The following MAP3K1 variants were observed in gnomAD, a reference collection of about 807,000 sequenced individuals.
MAP3K1 encodes MAP/ERK kinase kinase 1.
Under a neutral mutation model 144.2 loss-of-function variants are expected in MAP3K1, and 36 were observed. That is an observed-to-expected ratio of 0.25 (90% CI 0.19 to 0.33). MAP3K1 has a LOEUF of 0.33. Ranked by LOEUF, MAP3K1 falls within the 10% of genes least tolerant of loss-of-function variation. The pLI is 1.00. For missense variants in MAP3K1, 1,650 were observed against 1,881.9 expected (o/e 0.88, Z 2.28); for synonymous variants, 718 against 688.7 (o/e 1.04, Z -0.67).
chr5:56,854,296 G>A (rs1458881237), intron 1 of MAP3K1, among the ~76,000 whole-genome samples: 1 of 151,852 alleles, frequency 6.6e-6, no homozygotes, highest in Non-Finnish European at 1.5e-5. Flanking sequence ...AGCCAGGCGT[G>A]GTGGCACATG....
intron 2 of MAP3K1, among the ~76,000 whole-genome samples, chr5:56,857,336 T>A (rs1052527709): frequency 2.0e-5 from 3 of 152,112 alleles, no homozygotes; most frequent in African/African-American, 7.2e-5. Flanking sequence ...GAGTCCTAGA[T>A]TTTAAAAAGC....
intron 1 of MAP3K1, among the ~76,000 whole-genome samples, chr5:56,832,635 A>G (rs903069886): frequency 8.5e-5 from 13 of 152,114 alleles, no homozygotes; most frequent in African/African-American, 3.1e-4. Flanking sequence ...TGCGTTCTTA[A>G]CCTTTATGAT....
At chr5:56,874,494 T>G (rs1468536655) in intron 9 of MAP3K1, among the ~76,000 whole-genome samples, 1 of 152,244 alleles carries the variant, frequency 6.6e-6, no homozygotes, top group African/African-American at 2.4e-5. Context: ...CCTACCTGTT[T>G]TGTCTAGTTT....
At chr5:56,890,405 G>A (rs995623788) in intron 19 of MAP3K1, among the ~76,000 whole-genome samples, 1 of 152,030 alleles carries the variant, frequency 6.6e-6, no homozygotes, top group African/African-American at 2.4e-5. Context: ...TCCTTAATTT[G>A]GAGTAAATAC....
Position 56,886,075 on chromosome 5 carries a change from T to C in MAP3K1, c.4114+12T>C. The C allele has an allele frequency of 1.2e-6, 2 of 1,608,500 alleles. No homozygotes were observed. Among genetic ancestry groups the C allele is most frequent in the Non-Finnish European group, 1.7e-6 (2 of 1,175,124 alleles). On this transcript the variant is annotated intron_variant, in intron 17 of 19. Transcript: ENST00000399503. ...CAGAGATGTCAAAGGTGAGAATTCT[T>C]CTAATTATTATCTAGTGACAATAAA...
chr5:56,831,679 G>C (rs747452891), intron 1 of MAP3K1, among the ~76,000 whole-genome samples: 2 of 152,104 alleles, frequency 1.3e-5, no homozygotes, highest in Non-Finnish European at 2.9e-5. Flanking sequence ...ACTTATGATT[G>C]CTTATGTAGG....
chr5:56,860,592 T>C (rs832571), intron 3 of MAP3K1, among the ~76,000 whole-genome samples: 117,745 of 152,172 alleles, frequency 0.77, 45,907 homozygotes, highest in Non-Finnish European at 0.82. Flanking sequence ...GTGGCTCACA[T>C]CTATAATCCC....
chr5:56,856,586 T>A lies in MAP3K1; in HGVS notation c.483-14T>A. ...ATACATTTCTCATTTTATTTGTTTC[T>A]GCCTGCATTTTAGTCGTGAGATGGA... On this transcript the variant is annotated splice_polypyrimidine_tract_variant and intron_variant, in intron 1 of 19. Transcript: ENST00000399503. 1.9e-6 allele frequency: 3 copies of A among 1,605,738 alleles called. No homozygotes were observed. The highest frequency in any genetic ancestry group is 2.6e-6 in the Non-Finnish European group (3 of 1,172,232).
rs762842509 is a variant in MAP3K1 at position 56,880,660 on chromosome 5, T to C, written c.2088-51T>C. 28 of 1,201,044 alleles carry C rather than the reference T, an allele frequency of 2.3e-5. No individual in the cohort carries two copies. The South Asian group carries it at 3.4e-4, about 15-fold the overall frequency. The allele number at this position is 1,201,044 out of a possible 1,614,324, so 74.4% of individuals were successfully genotyped here. ...ATTACATTACTCCTCTAATATTGTATAGTGTTTTAGCCAAGATCCAGGATT... is the reference window on the plus strand; with the variant it reads ...ATTACATTACTCCTCTAATATTGTACAGTGTTTTAGCCAAGATCCAGGATT... On this transcript the variant is annotated intron_variant, in intron 11 of 19. Coordinates refer to ENST00000399503, the MANE Select transcript of MAP3K1 (RefSeq NM_005921.2).
At position 56,815,655 on chromosome 5, in the gene MAP3K1, G is replaced by A. The variant is rs1416618983; in HGVS notation, c.82G>A (p.Gly28Arg). The change falls in exon 1 of 20, where the codon GGA becomes AGA. Residue 28 changes from glycine to arginine, a missense_variant. This residue lies in a region of MAP3K1 where 360 missense variants were observed against 274.7 expected (regional missense o/e 1.31). Transcript: ENST00000399503. ...TACGAGCCCTGAGGCAGGCGGCGGCGGAGGAGCCCTCAAGGCGAGCAGCGC... is the reference window on the plus strand; with the variant it reads ...TACGAGCCCTGAGGCAGGCGGCGGCAGAGGAGCCCTCAAGGCGAGCAGCGC... ...RATSPEAGGGGGALKASSAPA... is the reference protein window; with the variant it reads ...RATSPEAGGGRGALKASSAPA... The A allele has an allele frequency of 3.0e-6, 4 of 1,334,554 alleles. No homozygotes were observed. Among genetic ancestry groups the A allele is most frequent in the Non-Finnish European group, 3.8e-6 (4 of 1,042,324 alleles). 82.7% of individuals were successfully genotyped at this position (1,334,554 alleles called of 1,614,324 possible).
intron 1 of MAP3K1, among the ~76,000 whole-genome samples, chr5:56,846,741 T>G (rs1747009050): frequency 6.6e-6 from 1 of 152,240 alleles, no homozygotes; most frequent in Non-Finnish European, 1.5e-5. Context: ...AGTTTGACGT[T>G]TTCTTGACCT....
rs79633562 is a variant in MAP3K1, at chr5:56,832,214, A to C, written c.482+16159A>C. 5.3e-5 allele frequency among the ~76,000 whole-genome samples: 8 copies of C among 152,352 alleles called. No individual in the cohort carries two copies. In the East Asian group the frequency reaches 1.5e-3, roughly 29 times the overall value. Reference sequence around the variant, plus strand: ...AAAAACCTACCCTTTCAGAAGGGTAAAAATAAAATACTAGGATTTATGGTC... The same window carrying C: ...AAAAACCTACCCTTTCAGAAGGGTACAAATAAAATACTAGGATTTATGGTC... On this transcript the variant is annotated intron_variant, in intron 1 of 19. Transcript: ENST00000399503.
chr5:56,845,569 C>G (rs753499524), intron 1 of MAP3K1, among the ~76,000 whole-genome samples: 1 of 150,238 alleles, frequency 6.7e-6, no homozygotes. Context: ...TGTAGACATT[C>G]CCAGCCCTAG....
At chr5:56,828,924 TA>T (rs1746399706) in intron 1 of MAP3K1, among the ~76,000 whole-genome samples, 1 of 152,146 alleles carries the variant, frequency 6.6e-6, no homozygotes, top group African/African-American at 2.4e-5. Context: ...GTAACAATCA[TA>T]TTGCTTCCTA....
At chr5:56,879,779 C>G (rs1337162078) in intron 11 of MAP3K1, among the ~76,000 whole-genome samples, 8 of 152,162 alleles carry the variant, frequency 5.3e-5, no homozygotes, top group Non-Finnish European at 8.8e-5. Flanking sequence ...ATTTAATAAT[C>G]ACAGCTACTG....
intron 1 of MAP3K1, among the ~76,000 whole-genome samples, chr5:56,844,381 G>GTT (rs1273427815): frequency 6.6e-6 from 1 of 151,492 alleles, no homozygotes. Flanking sequence ...GGGTTTCACC[G>GTT]TGTTAGCCAG....
intron 1 of MAP3K1, among the ~76,000 whole-genome samples, chr5:56,818,746 C>A (rs1367265480): frequency 2.0e-5 from 3 of 152,142 alleles, no homozygotes; most frequent in Non-Finnish European, 1.5e-5. Context: ...TTACCCCATC[C>A]TATTTTTGTA....
intron 18 of MAP3K1, chr5:56,887,812 A>G (rs916052587): frequency 6.7e-6 from 3 of 447,354 alleles, no homozygotes; most frequent in African/African-American, 4.0e-5. Context: ...GCACATAAGA[A>G]ATTTTTAAAA....
At chr5:56,828,247 T>G (rs1746379890) in intron 1 of MAP3K1, among the ~76,000 whole-genome samples, 1 of 152,216 alleles carries the variant, frequency 6.6e-6, no homozygotes, top group Non-Finnish European at 1.5e-5. Flanking sequence ...ACTTTCAAAA[T>G]TCTGTGATAT....
Sources: allele counts gnomAD v4.1 joint callset (sites outside exome capture counted in the v4.1 genomes callset), GRCh38; gene constraint gnomAD v4.1.1; regional missense constraint gnomAD v4.1.1; transcripts MANE v1.5; gene names NCBI Gene and HGNC (gene_info 2026-07-23, HGNC 2026-07-21).